LIX1: variants seen among roughly 807,000 people sequenced by gnomAD.
LIX1 encodes the protein protein limb expression 1 homolog.
Under a neutral mutation model 33.4 loss-of-function variants are expected in LIX1, and 24 were observed. That is an observed-to-expected ratio of 0.72 (90% CI 0.52 to 1.01). The LOEUF is 1.01. LIX1 is among the 50% of genes least tolerant of loss of function. LIX1 has a pLI of 0.00. For missense variants in LIX1, 311 were observed against 339.2 expected, an observed-to-expected ratio of 0.92 and a Z score of 0.65; for synonymous variants, 124 against 124.0, an observed-to-expected ratio of 1.00 and a Z score of 0.00.
intron 4 of LIX1, among the ~76,000 whole-genome samples, chr5:97,099,171 G>A (rs1209922360): frequency 6.6e-6 from 1 of 152,116 alleles, no homozygotes; most frequent in Admixed American, 6.5e-5. Context: ...ACATCTTCCT[G>A]CCCTTGTTCA....
intron 5 of LIX1, among the ~76,000 whole-genome samples, chr5:97,095,984 T>C (rs1344515298): frequency 6.6e-6 from 1 of 152,240 alleles, no homozygotes; most frequent in Non-Finnish European, 1.5e-5. Context: ...ACCTAGACTT[T>C]CTAAGCAAAG....
chr5:97,124,618 A>C lies in LIX1; in HGVS notation c.94T>G (p.Ser32Ala), dbSNP rs1747868756. Residue 32 changes from serine to alanine, a missense_variant, in exon 2 of 6, where the codon TCA becomes GCA. Transcript: ENST00000274382. ...CTTTCCCAAAATTCCTGTAACATTG[A>C]CACAACGTTCACTGAAAAAGACAAG... ...ALVFKDLNVVSMLQEFWESKQ... is the reference protein window; with the variant it reads ...ALVFKDLNVVAMLQEFWESKQ... The C allele has an allele frequency of 6.2e-7, 1 of 1,610,726 alleles. No homozygotes were observed. Among genetic ancestry groups the C allele is most frequent in the Non-Finnish European group, 8.5e-7 (1 of 1,178,268 alleles).
At chr5:97,130,309 A>G (rs567009591) in intron 1 of LIX1, among the ~76,000 whole-genome samples, 65 of 152,370 alleles carry the variant, frequency 4.3e-4, no homozygotes, top group Admixed American at 7.8e-4. Flanking sequence ...AGGAAGCTAC[A>G]GTCGAAAACA....
At chr5:97,121,856 GTC>G (rs1747792063) in intron 2 of LIX1, among the ~76,000 whole-genome samples, 1 of 152,176 alleles carries the variant, frequency 6.6e-6, no homozygotes, top group South Asian at 2.1e-4. Context: ...GCTTGAGAAT[GTC>G]TGTTTCCCTA....
intron 2 of LIX1, among the ~76,000 whole-genome samples, chr5:97,123,040 T>C (rs1747822556): frequency 6.6e-6 from 1 of 152,182 alleles, no homozygotes; most frequent in African/African-American, 2.4e-5. Context: ...ATGTCACATC[T>C]CTCGGTTTCC....
chr5:97,134,587 T>C (rs1395623763), intron 1 of LIX1, among the ~76,000 whole-genome samples: 1 of 152,264 alleles, frequency 6.6e-6, no homozygotes, highest in Non-Finnish European at 1.5e-5. Context: ...CAATGTTATT[T>C]CCTAGTTTTC....
In LIX1 at chr5:97,091,979, T is replaced by C. The variant is rs1001063302; in HGVS notation, c.*2769A>G. 2 of 152,326 alleles carry C rather than the reference T, an allele frequency of 1.3e-5. No individual in the cohort carries two copies. The highest frequency in any genetic ancestry group is 4.8e-5 in the African/African-American group (2 of 41,436). The allele number at this position is 152,326 out of a possible 1,614,324, so 9.4% of individuals were successfully genotyped here. A position where few individuals can be genotyped will look rare whatever the true frequency, so the allele number is the denominator to read the frequency against. On this transcript the variant is annotated 3_prime_UTR_variant, in exon 6 of 6. Coordinates refer to ENST00000274382, the MANE Select transcript of LIX1 (RefSeq NM_153234.5). ...TTTTAAAAACAATAATATGGTAAAT[T>C]TGGATTTTGTGGAACTTAAACTATC... is the stretch of plus-strand genomic sequence containing the variant.
intron 4 of LIX1, among the ~76,000 whole-genome samples, chr5:97,100,171 G>C (rs1746617746): frequency 6.6e-6 from 1 of 152,150 alleles, no homozygotes; most frequent in South Asian, 2.1e-4. Context: ...TAAGACTTTA[G>C]AATTCACAAC....
At chr5:97,099,928 G>T (rs964024454) in intron 4 of LIX1, among the ~76,000 whole-genome samples, 67 of 152,244 alleles carry the variant, frequency 4.4e-4, no homozygotes, top group African/African-American at 1.6e-3. Context: ...ACATATACTG[G>T]ATTTATTTTG....
chr5:97,137,615 C>T lies in LIX1; in HGVS notation c.82+4880G>A, dbSNP rs117545648. 9.9e-4 allele frequency among the ~76,000 whole-genome samples: 151 copies of T among 152,212 alleles called. No homozygotes were observed. The Middle Eastern group carries it at 0.014, about 14-fold the overall frequency. ...GAATAGGCTTCAGTCAAACAGACAT[C>T]CATAGTTTAGATGCTAAAATTAGCA... On this transcript the variant is annotated intron_variant, in intron 1 of 5. Transcript: ENST00000274382.
At chr5:97,135,064 A>T (rs1409019813) in intron 1 of LIX1, among the ~76,000 whole-genome samples, 1 of 152,122 alleles carries the variant, frequency 6.6e-6, no homozygotes, top group Admixed American at 6.5e-5. Flanking sequence ...TCCTTACCCC[A>T]AACATATTCC....
chr5:97,130,772 G>T (rs1748038426), intron 1 of LIX1, among the ~76,000 whole-genome samples: 2 of 152,180 alleles, frequency 1.3e-5, no homozygotes, highest in South Asian at 4.1e-4. Flanking sequence ...ATTTCTATCA[G>T]CTTAGAACTG....
intron 2 of LIX1, among the ~76,000 whole-genome samples, chr5:97,110,160 A>G (rs1323166311): frequency 1.3e-5 from 2 of 152,208 alleles, no homozygotes; most frequent in Non-Finnish European, 2.9e-5. Flanking sequence ...GACTCTCCAT[A>G]CTGTTTTTGT....
chr5:97,102,751 C>T lies in LIX1; in HGVS notation c.483+2439G>A, dbSNP rs58686671. 9.3e-3 allele frequency among the ~76,000 whole-genome samples: 1,399 copies of T among 149,880 alleles called. 25 individuals are homozygous for T. Among genetic ancestry groups the T allele is most frequent in the African/African-American group, 0.032 (1,305 of 40,830 alleles). ...AGACTTTTTTTTTTTTTTTAAATCTCACCTTCCCCCATCTTTGGCAGACTA... is the reference window on the plus strand; with the variant it reads ...AGACTTTTTTTTTTTTTTTAAATCTTACCTTCCCCCATCTTTGGCAGACTA... On this transcript the variant is annotated intron_variant, in intron 4 of 5. Coordinates refer to ENST00000274382, the MANE Select transcript of LIX1 (RefSeq NM_153234.5).
chr5:97,096,931 T>C, intron 4 of LIX1, 44 bp from the exon 5 acceptor site: 1 of 1,432,410 alleles, frequency 7.0e-7, no homozygotes, highest in Non-Finnish European at 9.9e-7. Context: ...AGCAGAAATG[T>C]GCATTGGTGA....
intron 1 of LIX1, among the ~76,000 whole-genome samples, chr5:97,140,687 T>C (rs1252907318): frequency 1.3e-5 from 2 of 152,186 alleles, no homozygotes; most frequent in Non-Finnish European, 2.9e-5. Context: ...TGGTAAGTGG[T>C]TGGATGTTTT....
At chr5:97,100,299 AC>A (rs1333123579) in intron 4 of LIX1, among the ~76,000 whole-genome samples, 1 of 151,880 alleles carries the variant, frequency 6.6e-6, no homozygotes, top group Non-Finnish European at 1.5e-5. Context: ...CAACCTCCTC[AC>A]CACCTCTGGT....
intron 2 of LIX1, among the ~76,000 whole-genome samples, chr5:97,109,844 G>C (rs1400939006): frequency 6.6e-6 from 1 of 151,180 alleles, no homozygotes; most frequent in Non-Finnish European, 1.5e-5. Context: ...CACAATATTT[G>C]GTTTTCCATT....
chr5:97,102,560 A>G (rs1405423644), intron 4 of LIX1, among the ~76,000 whole-genome samples: 2 of 152,174 alleles, frequency 1.3e-5, no homozygotes, highest in Non-Finnish European at 2.9e-5. Context: ...AGACTCCTTT[A>G]GGAGAATTTA....
Sources: gnomAD v4.1 joint callset for allele counts (sites outside exome capture counted in the v4.1 genomes callset) on GRCh38, gnomAD v4.1.1 for gene constraint, MANE v1.5 for transcripts, NCBI Gene and HGNC (gene_info 2026-07-23, HGNC 2026-07-21) for gene names.